The following BAZ2B variants were observed in gnomAD, a reference collection of about 807,000 sequenced individuals.
BAZ2B encodes the protein bromodomain adjacent to zinc finger domain protein 2B.
Under a neutral mutation model 246.0 loss-of-function variants are expected in BAZ2B, and 91 were observed. The observed-to-expected ratio is 0.37, with a 90% confidence interval of 0.31 to 0.44. The LOEUF (loss-of-function observed/expected upper bound fraction) is 0.44. Among genes scored for constraint, BAZ2B ranks in the 20% least tolerant of loss-of-function variants. BAZ2B has a pLI of 1.00. For synonymous variants in BAZ2B, 855 were observed against 860.0 expected, an observed-to-expected ratio of 0.99 and a Z score of 0.10; for missense variants, 2,332 against 2,533.7, an observed-to-expected ratio of 0.92 and a Z score of 1.71.
At position 159,428,537 on chromosome 2, in the gene BAZ2B, A is replaced by AAACTCCTC. The variant is rs2070429676; in HGVS notation, c.2256-126_2256-119dup. On this transcript the variant is annotated intron_variant, in intron 11 of 36. Transcript: ENST00000392783. ...AAACATAAAAAATGAAAACAAAAAT[A>AAACTCCTC]AACTCCTCAAACAACCCAAATACAT... is the stretch of plus-strand genomic sequence containing the variant. The AAACTCCTC allele has an allele frequency of 1.1e-5, 7 of 632,794 alleles. No individual in the cohort carries two copies. The South Asian group carries it at 2.1e-4, about 19-fold the overall frequency. 39.2% of individuals were successfully genotyped at this position (632,794 alleles called of 1,614,324 possible).
At chr2:159,681,562 T>C in the BAZ2B span, among the ~76,000 whole-genome samples, 7 of 152,322 alleles carry the variant, frequency 4.6e-5, no homozygotes, top group South Asian at 2.1e-4. Flanking sequence ...AATTACTATA[T>C]TGAAGGATAG....
chr2:159,574,123 A>G (rs958362630), intron 1 of BAZ2B, among the ~76,000 whole-genome samples: 9 of 104,988 alleles, frequency 8.6e-5, no homozygotes, highest in African/African-American at 3.7e-4. Context: ...ACTGACAGAC[A>G]CACACACACA....
intron 1 of BAZ2B, chr2:159,615,738 T>C (rs926663491): frequency 6.6e-5 from 10 of 152,098 alleles, no homozygotes; most frequent in African/African-American, 2.4e-4. Flanking sequence ...ACAGAGGTTG[T>C]TTTTTAAGAA....
intron 31 of BAZ2B, among the ~76,000 whole-genome samples, chr2:159,346,615 G>T (rs1181393052): frequency 6.6e-6 from 1 of 152,032 alleles, no homozygotes. Context: ...ACTTGAACCT[G>T]GAAGTGGAGG....
rs1377726650 is a variant in BAZ2B, at chr2:159,319,033, C to G, written c.*1232G>C. 1 of 152,492 alleles carries G rather than the reference C, an allele frequency of 6.6e-6. No homozygotes were observed. Among genetic ancestry groups the G allele is most frequent in the Non-Finnish European group, 1.5e-5 (1 of 68,004 alleles). 9.4% of individuals were successfully genotyped at this position (152,492 alleles called of 1,614,324 possible). A position where few individuals can be genotyped will look rare whatever the true frequency, so the allele number is the denominator to read the frequency against. ...GTGCCACACATAGTGAAAAATAACA[C>G]TCCTAAAAAAAGAATGCTACCTTTT... On this transcript the variant is annotated 3_prime_UTR_variant, in exon 37 of 37. Coordinates refer to ENST00000392783, the MANE Select transcript of BAZ2B (RefSeq NM_013450.4). This position sits in a 1 kb window ranked among gnomAD's most constrained non-coding sequence, Gnocchi z 4.0.
intron 1 of BAZ2B, among the ~76,000 whole-genome samples, chr2:159,595,230 G>A (rs1229788827): frequency 6.6e-6 from 1 of 151,954 alleles, no homozygotes; most frequent in Admixed American, 6.6e-5. Context: ...ATCCTCCTGA[G>A]TAGCTGGGAT....
intron 3 of BAZ2B, among the ~76,000 whole-genome samples, chr2:159,473,254 A>T (rs1258175586): frequency 6.6e-6 from 1 of 152,124 alleles, no homozygotes; most frequent in African/African-American, 2.4e-5. Flanking sequence ...AGAACTTGTT[A>T]TTGGTCTATT....
intron 2 of BAZ2B, among the ~76,000 whole-genome samples, chr2:159,490,154 T>C (rs970656639): frequency 6.6e-6 from 1 of 152,194 alleles, no homozygotes; most frequent in Non-Finnish European, 1.5e-5. Flanking sequence ...AAATCATGCT[T>C]TAATTCTTTT....
At chr2:159,385,727 G>A (rs1225236772) in intron 22 of BAZ2B, among the ~76,000 whole-genome samples, 1 of 152,028 alleles carries the variant, frequency 6.6e-6, no homozygotes, top group Non-Finnish European at 1.5e-5. Flanking sequence ...ACAGAGTGGG[G>A]AGGTTAAAAA....
intron 31 of BAZ2B, among the ~76,000 whole-genome samples, chr2:159,339,128 T>C (rs1173594861): frequency 6.6e-6 from 1 of 152,150 alleles, no homozygotes; most frequent in Non-Finnish European, 1.5e-5. Flanking sequence ...CTCAGTAGAA[T>C]ATTTATATTT....
At chr2:159,318,641 T>C (rs1299105863), downstream of BAZ2B, among the ~76,000 whole-genome samples, 7 of 152,256 alleles carry the variant, frequency 4.6e-5, no homozygotes, top group Non-Finnish European at 1.0e-4. Context: ...TTAGACTAAT[T>C]TATATATCCG....
intron 2 of BAZ2B, among the ~76,000 whole-genome samples, chr2:159,511,483 G>A (rs1331444147): frequency 2.0e-5 from 3 of 152,142 alleles, no homozygotes; most frequent in Non-Finnish European, 2.9e-5. Context: ...TGGCACTACA[G>A]GCGTGAGGTG....
chr2:159,372,376 T>C (rs1407769307), intron 27 of BAZ2B, among the ~76,000 whole-genome samples: 1 of 152,240 alleles, frequency 6.6e-6, no homozygotes, highest in African/African-American at 2.4e-5. Context: ...CATAACACTT[T>C]TGTCCCCATC....
rs990280434 is a variant in BAZ2B, at chr2:159,350,495, C to T, written c.4214-138G>A. 6 of 707,072 alleles carry T rather than the reference C, an allele frequency of 8.5e-6. No homozygotes were observed. The African/African-American group carries it at 1.1e-4, about 13-fold the overall frequency. The allele number at this position is 707,072 out of a possible 1,614,324, so 43.8% of individuals were successfully genotyped here. A position where few individuals can be genotyped will look rare whatever the true frequency, so the allele number is the denominator to read the frequency against. On this transcript the variant is annotated intron_variant, in intron 27 of 36. Coordinates refer to ENST00000392783, the MANE Select transcript of BAZ2B (RefSeq NM_013450.4). ...TATTACCTAATACTCCCTATATTTT[C>T]CTTTTTTATAGATTATAGCTTTCAC...
chr2:159,692,124 C>T, the BAZ2B span, among the ~76,000 whole-genome samples: 1 of 152,000 alleles, frequency 6.6e-6, no homozygotes, highest in Non-Finnish European at 1.5e-5. Context: ...ACATATATTT[C>T]ATGCATTCAT....
chr2:159,336,037 T>C (rs2065609478), intron 33 of BAZ2B, among the ~76,000 whole-genome samples: 1 of 152,154 alleles, frequency 6.6e-6, no homozygotes, highest in Non-Finnish European at 1.5e-5. Flanking sequence ...GGTGGGTGCC[T>C]GTAATCCCAG....
At chr2:159,701,983 C>A in the BAZ2B span, among the ~76,000 whole-genome samples, 1 of 152,124 alleles carries the variant, frequency 6.6e-6, no homozygotes, top group African/African-American at 2.4e-5. Flanking sequence ...CCGTCTCAGC[C>A]TCCCAAAGTG....
chr2:159,651,945 C>T, the BAZ2B span, among the ~76,000 whole-genome samples: 8 of 152,178 alleles, frequency 5.3e-5, no homozygotes, highest in African/African-American at 1.9e-4. Flanking sequence ...TTCCATTCAT[C>T]TATTAGTGAA....
chr2:159,403,592 A>G (rs1004739666), intron 16 of BAZ2B, among the ~76,000 whole-genome samples: 3 of 152,160 alleles, frequency 2.0e-5, no homozygotes, highest in Non-Finnish European at 2.9e-5. Context: ...ATATATTTTA[A>G]CGAATGCATT....
Sources: gnomAD v4.1 joint callset for allele counts (sites outside exome capture counted in the v4.1 genomes callset) on GRCh38, gnomAD v4.1.1 for gene constraint, Gnocchi (gnomAD v3.1) non-coding constraint, MANE v1.5 for transcripts, NCBI Gene and HGNC (gene_info 2026-07-23, HGNC 2026-07-21) for gene names.